EPM2A: variants seen among roughly 807,000 people sequenced by gnomAD.
The protein encoded by EPM2A is EPM2A glucan phosphatase, laforin.
In EPM2A, 21 loss-of-function variants were observed where a neutral mutation model predicts 26.5. The observed-to-expected ratio is 0.79, with a 90% CI of 0.56 to 1.14. EPM2A has a LOEUF of 1.14. EPM2A is among the 50% of genes most tolerant of loss of function. The pLI is 0.00. For missense variants in EPM2A, 458 were observed against 440.8 expected, an observed-to-expected ratio of 1.04 and a Z score of -0.35; for synonymous variants, 217 against 177.6, an observed-to-expected ratio of 1.22 and a Z score of -1.76.
intron 2 of EPM2A, among the ~76,000 whole-genome samples, chr6:145,522,403 A>G (rs1439095055): frequency 2.0e-5 from 3 of 152,000 alleles, no homozygotes; most frequent in Non-Finnish European, 4.4e-5. Context: ...TTCCCCCTCC[A>G]TCAACTGACC....
chr6:145,566,081 T>C (rs1371313232), intron 2 of EPM2A, among the ~76,000 whole-genome samples: 1 of 152,166 alleles, frequency 6.6e-6, no homozygotes, highest in Non-Finnish European at 1.5e-5. Context: ...CTTAGGTGAA[T>C]GATTTACCAA....
chr6:145,536,247 T>TTTTTTGTTTTAG lies in EPM2A; in HGVS notation c.341-33673_341-33672insCTAAAACAAAAA, dbSNP rs1395518414. ...TGATTGTCTCCCTTCCCCAGGTTGGTTTTTTGTTTTTGTTTTTGTTTTTGT... is the reference window on the plus strand; with the variant it reads ...TGATTGTCTCCCTTCCCCAGGTTGGTTTTTTGTTTTAGTTTTTGTTTTTGTTTTTGTTTTTGT... On this transcript the variant is annotated intron_variant, in intron 2 of 3. Transcript: ENST00000450221. 9.8e-3 allele frequency among the ~76,000 whole-genome samples: 642 copies of TTTTTTGTTTTAG among 65,526 alleles called. 2 individuals are homozygous for TTTTTTGTTTTAG. The highest frequency in any genetic ancestry group is 0.027 in the African/African-American group (609 of 22,412). The allele number at this position is 65,526 out of a possible 152,430, so 43.0% of individuals were successfully genotyped here. A position where few individuals can be genotyped will look rare whatever the true frequency, so the allele number is the denominator to read the frequency against.
At chr6:145,435,097 C>T (rs879724290) in intron 4 of EPM2A, among the ~76,000 whole-genome samples, 6 of 152,158 alleles carry the variant, frequency 3.9e-5, no homozygotes, top group Non-Finnish European at 5.9e-5. Flanking sequence ...CATGCTTGTA[C>T]AGCCTGCAGA....
Position 145,626,233 on chromosome 6 carries a change from G to A in EPM2A, c.*1183C>T, listed in dbSNP as rs1488358878. Reference sequence around the variant, plus strand: ...TAGGCAGCACATTTTTGAAGGCAAAGTTGTTCATCTCTGTATTTCCTGTAG... The same window carrying A: ...TAGGCAGCACATTTTTGAAGGCAAAATTGTTCATCTCTGTATTTCCTGTAG... On this transcript the variant is annotated 3_prime_UTR_variant, in exon 4 of 4. Transcript: ENST00000367519. 4 of 991,264 alleles carry A rather than the reference G, an allele frequency of 4.0e-6. No individual in the cohort carries two copies. In the African/African-American group the frequency reaches 7.0e-5, roughly 17 times the overall value. The allele number at this position is 991,264 out of a possible 1,614,324, so 61.4% of individuals were successfully genotyped here.
chr6:145,521,471 T>C (rs1322533585), intron 2 of EPM2A, among the ~76,000 whole-genome samples: 1 of 152,246 alleles, frequency 6.6e-6, no homozygotes, highest in Non-Finnish European at 1.5e-5. Context: ...TGTATTCTTT[T>C]CTAGCCACAA....
rs380883 is a variant in EPM2A, at chr6:145,501,856, A to G, written c.395-9T>C. Reference sequence around the variant, plus strand: ...AATCCCAAGGCCAAAATCTAAAAGAAGACAGGGATAGATACAGGTAGAGGT... The same window carrying G: ...AATCCCAAGGCCAAAATCTAAAAGAGGACAGGGATAGATACAGGTAGAGGT... On this transcript the variant is annotated splice_polypyrimidine_tract_variant and intron_variant, in intron 3 of 3. Coordinates refer to the EPM2A transcript ENST00000450221. 221,272 of 470,816 alleles carry G rather than the reference A, an allele frequency of 0.47. 52,840 individuals are homozygous for G. Among genetic ancestry groups the G allele is most frequent in the South Asian group, 0.58 (37,260 of 64,546 alleles). 29.2% of individuals were successfully genotyped at this position (470,816 alleles called of 1,614,324 possible). A position where few individuals can be genotyped will look rare whatever the true frequency, so the allele number is the denominator to read the frequency against.
chr6:145,444,416 C>T (rs559750426), intron 4 of EPM2A, among the ~76,000 whole-genome samples: 3 of 152,242 alleles, frequency 2.0e-5, no homozygotes, highest in South Asian at 4.1e-4. Context: ...TTGCATAGGT[C>T]GAACCAACCT....
At position 145,625,913 on chromosome 6, in the gene EPM2A, A is replaced by T; in HGVS notation, c.*1503T>A. The T allele has an allele frequency of 7.0e-7, 1 of 1,426,572 alleles. No homozygotes were observed. The highest frequency in any genetic ancestry group is 9.2e-7 in the Non-Finnish European group (1 of 1,086,388). The allele number at this position is 1,426,572 out of a possible 1,614,324, so 88.4% of individuals were successfully genotyped here. A position where few individuals can be genotyped will look rare whatever the true frequency, so the allele number is the denominator to read the frequency against. On this transcript the variant is annotated 3_prime_UTR_variant, in exon 4 of 4. Transcript: ENST00000367519. ...GAAAAATAAATACGCATCATAGTTT[A>T]ATTAGGAAAGTAAGGGCTTTGAATC... is the stretch of plus-strand genomic sequence containing the variant.
intron 2 of EPM2A, among the ~76,000 whole-genome samples, chr6:145,591,045 G>A (rs1781267538): frequency 6.6e-6 from 1 of 151,960 alleles, no homozygotes; most frequent in South Asian, 2.1e-4. Context: ...TCTATGAAAA[G>A]ATCAAAAAGA....
intron 2 of EPM2A, among the ~76,000 whole-genome samples, chr6:145,615,978 G>A (rs1284882322): frequency 2.6e-5 from 4 of 152,174 alleles, no homozygotes; most frequent in African/African-American, 9.7e-5. Context: ...CAATAGAAAA[G>A]AAAATCCCAT....
At chr6:145,604,117 A>G (rs1254615036) in intron 2 of EPM2A, among the ~76,000 whole-genome samples, 4 of 152,174 alleles carry the variant, frequency 2.6e-5, no homozygotes, top group African/African-American at 9.6e-5. Flanking sequence ...ACAGATTTAT[A>G]GACAATAAAA....
chr6:145,480,867 C>A (rs552090194), intron 4 of EPM2A, among the ~76,000 whole-genome samples: 1 of 152,188 alleles, frequency 6.6e-6, no homozygotes, highest in East Asian at 1.9e-4. Context: ...GGTAACTCTT[C>A]TTCATGGCAG....
chr6:145,664,626 T>C (rs1038024098), intron 2 of EPM2A, among the ~76,000 whole-genome samples: 9 of 151,784 alleles, frequency 5.9e-5, no homozygotes, highest in South Asian at 4.2e-4. Context: ...TCAACAAGGA[T>C]ACCCAGGAAT....
chr6:145,702,334 G>A (rs1469203972), intron 1 of EPM2A, among the ~76,000 whole-genome samples: 1 of 152,144 alleles, frequency 6.6e-6, no homozygotes, highest in Non-Finnish European at 1.5e-5. Context: ...TTTCTTGAAA[G>A]ACAGTATTTT....
chr6:145,443,068 T>C (rs771219408), intron 4 of EPM2A, among the ~76,000 whole-genome samples: 1 of 152,044 alleles, frequency 6.6e-6, no homozygotes, highest in Admixed American at 6.6e-5. Flanking sequence ...AGATGGGGTT[T>C]CACCATGTTA....
intron 2 of EPM2A, among the ~76,000 whole-genome samples, chr6:145,601,174 T>C (rs1157002934): frequency 6.6e-6 from 1 of 152,244 alleles, no homozygotes; most frequent in East Asian, 1.9e-4. Flanking sequence ...GATATGGCTA[T>C]GTGGGATTTC....
chr6:145,730,380 C>T (rs1251459782), intron 1 of EPM2A, among the ~76,000 whole-genome samples: 11 of 152,334 alleles, frequency 7.2e-5, no homozygotes, highest in African/African-American at 2.6e-4. Context: ...CTTCTTCTCC[C>T]TTATTCCACT....
At chr6:145,485,078 A>G (rs1779656159) in intron 4 of EPM2A, among the ~76,000 whole-genome samples, 2 of 151,350 alleles carry the variant, frequency 1.3e-5, no homozygotes, top group South Asian at 4.2e-4. Flanking sequence ...CCCACATGCT[A>G]AGGTACTATC....
intron 2 of EPM2A, among the ~76,000 whole-genome samples, chr6:145,602,922 C>T (rs931485516): frequency 7.9e-5 from 12 of 152,184 alleles, no homozygotes; most frequent in African/African-American, 1.7e-4. Context: ...AAGGAATCCA[C>T]GCAAGTCAGC....
Sources: allele counts gnomAD v4.1 joint callset (sites outside exome capture counted in the v4.1 genomes callset), GRCh38; gene constraint gnomAD v4.1.1; transcripts MANE v1.5; gene names NCBI Gene and HGNC (gene_info 2026-07-23, HGNC 2026-07-21).